Variants in DKK2 observed in about 807,000 individuals in gnomAD.
DKK2 encodes dickkopf Wnt signaling pathway inhibitor 2.
A neutral mutation model predicts 28.1 loss-of-function variants in DKK2; 11 were observed. That is an observed-to-expected ratio of 0.39 (90% confidence interval 0.25 to 0.65). The LOEUF is 0.65. Ranked by LOEUF, DKK2 falls within the 30% of genes least tolerant of loss-of-function variation. The pLI, the probability that DKK2 is intolerant of heterozygous loss-of-function variation, is 0.47. For missense variants in DKK2, 326 were observed against 335.5 expected (o/e 0.97, Z 0.22); for synonymous variants, 135 against 126.5 (o/e 1.07, Z -0.45).
intron 1 of DKK2, among the ~76,000 whole-genome samples, chr4:106,930,770 G>A (rs1724491333): frequency 1.3e-5 from 2 of 152,082 alleles, no homozygotes; most frequent in Non-Finnish European, 2.9e-5. Context: ...TGCAGGGGAC[G>A]ACCCAGCTGT....
intron 1 of DKK2, among the ~76,000 whole-genome samples, chr4:106,988,000 G>A (rs1035897327): frequency 1.3e-5 from 2 of 152,026 alleles, no homozygotes; most frequent in South Asian, 2.1e-4. Flanking sequence ...GCGTAGCTGG[G>A]ACTATAGGCA....
chr4:107,013,817 A>G (rs1723548975), intron 1 of DKK2, among the ~76,000 whole-genome samples: 1 of 151,506 alleles, frequency 6.6e-6, no homozygotes, highest in Non-Finnish European at 1.5e-5. Flanking sequence ...TATTTAGACT[A>G]TATAAGGAAC....
chr4:106,985,853 G>GA (rs1036397219), intron 1 of DKK2, among the ~76,000 whole-genome samples: 4 of 148,108 alleles, frequency 2.7e-5, no homozygotes, highest in South Asian at 2.2e-4. Context: ...AAAAGAAAAA[G>GA]AAAAAAAATA....
At chr4:106,944,007 T>C (rs1423523331) in intron 1 of DKK2, among the ~76,000 whole-genome samples, 1 of 152,080 alleles carries the variant, frequency 6.6e-6, no homozygotes, top group African/African-American at 2.4e-5. Flanking sequence ...TGGTGGATCA[T>C]ATCTGATAGT....
In DKK2 at chr4:106,936,078, C is replaced by G. The variant is rs1054094799; in HGVS notation, c.223-10129G>C. The stretch of plus-strand genomic sequence containing the variant: ...GAGCACCTCTCCTCCTCCAAAGGAA[C>G]ACAGTTCCTCACCAGCAATGGAACA... On this transcript the variant is annotated intron_variant, in intron 1 of 3. Coordinates refer to ENST00000285311, the MANE Select transcript of DKK2 (RefSeq NM_014421.3). Among the ~76,000 whole-genome samples, 107 of 152,170 alleles carry G rather than the reference C, an allele frequency of 7.0e-4. 1 individual carries two copies. Among genetic ancestry groups the G allele is most frequent in the African/African-American group, 2.4e-3 (99 of 41,512 alleles).
intron 1 of DKK2, among the ~76,000 whole-genome samples, chr4:107,012,237 C>T (rs1723527964): frequency 6.6e-6 from 1 of 151,172 alleles, no homozygotes; most frequent in Non-Finnish European, 1.5e-5. Flanking sequence ...AGCTTAAGAC[C>T]CATCACTTAC....
intron 1 of DKK2, among the ~76,000 whole-genome samples, chr4:107,034,403 G>T (rs993316743): frequency 1.3e-5 from 2 of 151,514 alleles, no homozygotes; most frequent in African/African-American, 4.8e-5. Flanking sequence ...GAGCTGTCAT[G>T]ATTCCCAGTG....
chr4:106,984,192 T>C (rs1200657886), intron 1 of DKK2, among the ~76,000 whole-genome samples: 1 of 152,244 alleles, frequency 6.6e-6, no homozygotes, highest in Non-Finnish European at 1.5e-5. Context: ...TTTAAATTAT[T>C]GTGGTATTAA....
intron 1 of DKK2, among the ~76,000 whole-genome samples, chr4:106,931,464 T>G (rs1724503649): frequency 6.6e-6 from 1 of 152,182 alleles, no homozygotes; most frequent in Admixed American, 6.5e-5. Flanking sequence ...ATTTGACACT[T>G]AAAATTTTTT....
intron 1 of DKK2, among the ~76,000 whole-genome samples, chr4:106,933,846 G>T (rs541376428): frequency 2.0e-5 from 3 of 152,118 alleles, no homozygotes; most frequent in African/African-American, 7.2e-5. Context: ...ACAGGTTATG[G>T]TTGGTGAATA....
At chr4:107,017,537 CT>C (rs999970205) in intron 1 of DKK2, among the ~76,000 whole-genome samples, 8 of 151,856 alleles carry the variant, frequency 5.3e-5, no homozygotes, top group African/African-American at 1.9e-4. Context: ...TTCATTTCCA[CT>C]ATTATTTTTC....
In DKK2 at chr4:106,925,780, A is replaced by C. The variant is rs768144204; in HGVS notation, c.373+19T>G. The C allele has an allele frequency of 6.3e-7, 1 of 1,599,750 alleles. No individual in the cohort carries two copies. The highest frequency in any genetic ancestry group is 2.2e-5 in the East Asian group (1 of 44,732). On this transcript the variant is annotated intron_variant, in intron 2 of 3. Coordinates refer to ENST00000285311, the MANE Select transcript of DKK2 (RefSeq NM_014421.3). Reference sequence around the variant, plus strand: ...GATGAAAAGAAAGAGGCCCATTAACACTTAGTGAGATCTTTTACCATTATT... The same window carrying C: ...GATGAAAAGAAAGAGGCCCATTAACCCTTAGTGAGATCTTTTACCATTATT...
chr4:106,962,442 A>G (rs1380382424), intron 1 of DKK2, among the ~76,000 whole-genome samples: 2 of 151,798 alleles, frequency 1.3e-5, no homozygotes, highest in Non-Finnish European at 2.9e-5. Flanking sequence ...TGCCAAGAAC[A>G]TACATTAAGG....
At chr4:106,934,991 A>T (rs1048583531) in intron 1 of DKK2, among the ~76,000 whole-genome samples, 2 of 152,216 alleles carry the variant, frequency 1.3e-5, no homozygotes, top group African/African-American at 2.4e-5. Flanking sequence ...TGACTTGAGA[A>T]AAAGCTGGCC....
chr4:106,957,706 GA>G (rs1722616741), intron 1 of DKK2, among the ~76,000 whole-genome samples: 2 of 128,988 alleles, frequency 1.6e-5, no homozygotes, highest in Admixed American at 1.9e-4. Flanking sequence ...TGAACAATGA[GA>G]ACACATGGAC....
At chr4:106,952,924 C>T (rs1334583917) in intron 1 of DKK2, among the ~76,000 whole-genome samples, 1 of 152,142 alleles carries the variant, frequency 6.6e-6, no homozygotes, top group Non-Finnish European at 1.5e-5. Context: ...CTTTCATCTT[C>T]CCCTCGTATG....
chr4:106,991,246 C>A (rs1424560869), intron 1 of DKK2, among the ~76,000 whole-genome samples: 1 of 151,988 alleles, frequency 6.6e-6, no homozygotes, highest in East Asian at 1.9e-4. Flanking sequence ...TTTGGAATTG[C>A]CCAGGTTTGT....
At chr4:106,988,626 C>T (rs981106018) in intron 1 of DKK2, among the ~76,000 whole-genome samples, 25 of 152,160 alleles carry the variant, frequency 1.6e-4, no homozygotes, top group African/African-American at 5.8e-4. Context: ...TATTTCACAC[C>T]CATTTAGCAA....
intron 1 of DKK2, among the ~76,000 whole-genome samples, chr4:106,970,880 A>G (rs879613637): frequency 3.3e-5 from 5 of 152,138 alleles, no homozygotes; most frequent in Admixed American, 1.3e-4. Context: ...ATTAAATGCA[A>G]TCAAGCACTT....
Sources: allele counts gnomAD v4.1 joint callset (sites outside exome capture counted in the v4.1 genomes callset), GRCh38; gene constraint gnomAD v4.1.1; transcripts MANE v1.5; gene names NCBI Gene and HGNC (gene_info 2026-07-23, HGNC 2026-07-21).